The following SWAP70 variants were observed in gnomAD, a reference collection of about 807,000 sequenced individuals.
SWAP70 encodes switching B cell complex subunit SWAP70.
A neutral mutation model predicts 80.2 loss-of-function variants in SWAP70; 34 were observed. That is an observed-to-expected ratio of 0.42 (90% CI 0.32 to 0.56). The LOEUF (loss-of-function observed/expected upper bound fraction) is 0.56, where lower values mean the gene tolerates loss of function less well. Ranked by LOEUF, SWAP70 falls within the 20% of genes least tolerant of loss-of-function variation. SWAP70 has a pLI of 0.09. For missense variants in SWAP70, 578 were observed against 690.7 expected (o/e 0.84, Z 1.83); for synonymous variants, 239 against 238.5 (o/e 1.00, Z -0.02).
At chr11:9,697,289 G>GATTCTTTT (rs1850770799) in intron 2 of SWAP70, among the ~76,000 whole-genome samples, 1 of 148,566 alleles carries the variant, frequency 6.7e-6, no homozygotes, top group South Asian at 2.1e-4. Flanking sequence ...TTTTTTTTGA[G>GATTCTTTT]ATTCTTTTTT....
intron 2 of SWAP70, among the ~76,000 whole-genome samples, chr11:9,699,866 G>A (rs1457360778): frequency 6.9e-6 from 1 of 144,072 alleles, no homozygotes; most frequent in East Asian, 2.0e-4. Context: ...TGTATAGTGT[G>A]TATATATATA....
In SWAP70 at chr11:9,728,218, C is replaced by T. The variant is rs1851251659; in HGVS notation, c.789+19C>T. The T allele has an allele frequency of 6.3e-7, 1 of 1,578,380 alleles. No individual in the cohort carries two copies. The highest frequency in any genetic ancestry group is 1.4e-5 in the African/African-American group (1 of 72,404). On this transcript the variant is annotated intron_variant, in intron 5 of 11. Coordinates refer to ENST00000318950, the MANE Select transcript of SWAP70 (RefSeq NM_015055.4). ...TGTAGAGGTGAGTCTACTCTTACTT[C>T]TTTGCATGATTACCCCGTGCTGCCC...
At chr11:9,744,063 A>AGCCATTC (rs1214244675) in intron 9 of SWAP70, among the ~76,000 whole-genome samples, 1 of 151,840 alleles carries the variant, frequency 6.6e-6, no homozygotes, top group East Asian at 1.9e-4. Context: ...CCCAGGTTCA[A>AGCCATTC]GCCATTCTCC....
At chr11:9,703,578 A>G (rs547860909) in intron 2 of SWAP70, 9 of 436,318 alleles carry the variant, frequency 2.1e-5, no homozygotes, top group African/African-American at 1.8e-4. Flanking sequence ...CAGCTCTCCT[A>G]TAATGTGTTT....
intron 2 of SWAP70, among the ~76,000 whole-genome samples, chr11:9,712,707 G>A (rs567223564): frequency 4.9e-4 from 72 of 146,034 alleles, no homozygotes; most frequent in African/African-American, 1.7e-3. Flanking sequence ...CAGTTAAATA[G>A]TTTTCCCCAA....
chr11:9,670,878 C>T (rs535442523), intron 1 of SWAP70, among the ~76,000 whole-genome samples: 31 of 151,404 alleles, frequency 2.0e-4, no homozygotes, highest in Admixed American at 4.6e-4. Context: ...CTCAGCCTCC[C>T]GAGTAGCTGG....
At chr11:9,672,509 G>A (rs1177534488) in intron 1 of SWAP70, among the ~76,000 whole-genome samples, 1 of 144,656 alleles carries the variant, frequency 6.9e-6, no homozygotes, top group Non-Finnish European at 1.5e-5. Context: ...GACTACGGGT[G>A]TATGCCACCA....
intron 4 of SWAP70, among the ~76,000 whole-genome samples, chr11:9,725,565 ATATATTTTT>A (rs1290711779): frequency 3.3e-3 from 57 of 17,306 alleles, no homozygotes; most frequent in African/African-American, 0.013. Flanking sequence ...ATATATATAT[ATATATTTTT>A]TTTTTTTTTT....
intron 6 of SWAP70, among the ~76,000 whole-genome samples, chr11:9,731,513 C>A (rs1355622830): frequency 6.6e-6 from 1 of 152,208 alleles, no homozygotes; most frequent in Admixed American, 6.5e-5. Context: ...ATCTAGCTAT[C>A]TATTAATAGG....
At chr11:9,749,042 A>T in intron 10 of SWAP70, 45 bp from the exon 11 acceptor site, 1 of 1,321,426 alleles carries the variant, frequency 7.6e-7, no homozygotes, top group East Asian at 2.4e-5. Context: ...TTGGTTCTTA[A>T]ACTACCCGTG....
At chr11:9,703,432 A>G (rs928974102) in intron 2 of SWAP70, 6 of 456,264 alleles carry the variant, frequency 1.3e-5, no homozygotes, top group Middle Eastern at 3.3e-4. Flanking sequence ...GCCTTCAGAC[A>G]TGCTGCTTCC....
intron 2 of SWAP70, among the ~76,000 whole-genome samples, chr11:9,701,903 C>A (rs1590025034): frequency 6.6e-6 from 1 of 152,062 alleles, no homozygotes; most frequent in South Asian, 2.1e-4. Context: ...CTTGTCATTT[C>A]TTTTCTCTGA....
chr11:9,698,494 T>C (rs1380079803), intron 2 of SWAP70, among the ~76,000 whole-genome samples: 1 of 152,132 alleles, frequency 6.6e-6, no homozygotes, highest in African/African-American at 2.4e-5. Context: ...GTCCTCTGCC[T>C]CCCGGGCTCA....
At chr11:9,695,703 C>G (rs1425796560) in intron 2 of SWAP70, among the ~76,000 whole-genome samples, 1 of 151,928 alleles carries the variant, frequency 6.6e-6, no homozygotes, top group African/African-American at 2.4e-5. Context: ...ACTTATGTAA[C>G]AAACCTGCAC....
chr11:9,671,745 A>AAT (rs1554982553), intron 1 of SWAP70, among the ~76,000 whole-genome samples: 1,790 of 62,412 alleles, frequency 0.029, 14 homozygotes, highest in East Asian at 0.038. Flanking sequence ...TATACATAGA[A>AAT]ATATAAATAT....
chr11:9,702,987 G>GT (rs531566796), intron 2 of SWAP70, among the ~76,000 whole-genome samples: 4 of 152,090 alleles, frequency 2.6e-5, no homozygotes, highest in African/African-American at 9.6e-5. Context: ...CCATTTAGTG[G>GT]TTTTTTTGTT....
chr11:9,697,967 A>G (rs1489941815), intron 2 of SWAP70, among the ~76,000 whole-genome samples: 1 of 151,586 alleles, frequency 6.6e-6, no homozygotes, highest in African/African-American at 2.4e-5. Context: ...AACATTTTTT[A>G]TAGAGACGGG....
At chr11:9,735,984 G>A (rs1472696826) in intron 7 of SWAP70, among the ~76,000 whole-genome samples, 1 of 151,716 alleles carries the variant, frequency 6.6e-6, no homozygotes, top group Admixed American at 6.6e-5. Context: ...TGATACTTTC[G>A]TTATGCAAAT....
At chr11:9,707,998 C>T (rs529707212) in intron 2 of SWAP70, among the ~76,000 whole-genome samples, 1 of 152,130 alleles carries the variant, frequency 6.6e-6, no homozygotes, top group Admixed American at 6.5e-5. Context: ...AAGAAGTGTA[C>T]CCTGCACCCA....
Sources: allele counts gnomAD v4.1 joint callset (sites outside exome capture counted in the v4.1 genomes callset), GRCh38; gene constraint gnomAD v4.1.1; transcripts MANE v1.5; gene names NCBI Gene and HGNC (gene_info 2026-07-23, HGNC 2026-07-21).